Variants in JMY observed in about 807,000 individuals in gnomAD.
The protein encoded by JMY is junction mediating and regulatory protein, p53 cofactor.
JMY carries 46 observed loss-of-function variants against 103.3 expected under a neutral mutation model. That is an observed-to-expected ratio of 0.45 (90% CI 0.35 to 0.57). JMY has a LOEUF of 0.57. Among genes scored for constraint, JMY ranks in the 20% least tolerant of loss-of-function variants. JMY has a pLI of 0.00. For missense variants in JMY, 1,238 were observed against 1,255.2 expected (o/e 0.99, Z 0.21); for synonymous variants, 526 against 489.3 (o/e 1.07, Z -0.99).
chr5:79,311,101 A>G (rs1267583967), intron 7 of JMY, among the ~76,000 whole-genome samples: 3 of 149,374 alleles, frequency 2.0e-5, no homozygotes, highest in Non-Finnish European at 3.0e-5. Flanking sequence ...AATTAGTAGT[A>G]TATTACTAGA....
chr5:79,244,439 G>C (rs1412600639), intron 1 of JMY, among the ~76,000 whole-genome samples: 1 of 152,156 alleles, frequency 6.6e-6, no homozygotes, highest in African/African-American at 2.4e-5. Context: ...GGGAGAAGAT[G>C]GGTGGGAAAA....
At chr5:79,269,197 CTTT>C (rs1383312434) in intron 1 of JMY, among the ~76,000 whole-genome samples, 1 of 152,082 alleles carries the variant, frequency 6.6e-6, no homozygotes, top group African/African-American at 2.4e-5. Context: ...TGTCTAGATT[CTTT>C]TTTAAGACTC....
At chr5:79,301,160 T>C (rs1463369226) in intron 6 of JMY, among the ~76,000 whole-genome samples, 1 of 152,234 alleles carries the variant, frequency 6.6e-6, no homozygotes, top group Non-Finnish European at 1.5e-5. Flanking sequence ...CCCAGCGATG[T>C]TTTTTACAAG....
intron 1 of JMY, among the ~76,000 whole-genome samples, chr5:79,269,640 G>A (rs1306228595): frequency 1.3e-5 from 2 of 152,036 alleles, no homozygotes; most frequent in Non-Finnish European, 2.9e-5. Context: ...TAAAGATCTT[G>A]TACATATATT....
At chr5:79,287,433 G>A (rs572355951) in intron 2 of JMY, among the ~76,000 whole-genome samples, 1 of 152,292 alleles carries the variant, frequency 6.6e-6, no homozygotes, top group African/African-American at 2.4e-5. Flanking sequence ...AGGTACAATC[G>A]ACTAATTACG....
At chr5:79,296,396 C>T (rs1207345035) in intron 4 of JMY, among the ~76,000 whole-genome samples, 1 of 152,192 alleles carries the variant, frequency 6.6e-6, no homozygotes, top group African/African-American at 2.4e-5. Context: ...GTTACTAATT[C>T]TCATGTTCAT....
At chr5:79,276,647 G>T (rs904168466) in intron 1 of JMY, among the ~76,000 whole-genome samples, 1 of 151,136 alleles carries the variant, frequency 6.6e-6, no homozygotes, top group Admixed American at 6.6e-5. Context: ...TCACTCTGTC[G>T]CCAGGCTGGA....
chr5:79,274,956 T>G (rs919044240), intron 1 of JMY, among the ~76,000 whole-genome samples: 61 of 152,200 alleles, frequency 4.0e-4, no homozygotes, highest in Non-Finnish European at 2.8e-4. Context: ...CTGGATTGTT[T>G]AGTACCTGTC....
chr5:79,318,757 T>TAG (rs1381346517), intron 10 of JMY, among the ~76,000 whole-genome samples: 75 of 24,686 alleles, frequency 3.0e-3, no homozygotes, highest in East Asian at 7.4e-3. Context: ...TATATATATA[T>TAG]ATATAGAGAG....
chr5:79,307,031 C>T lies in JMY; in HGVS notation c.1968+570C>T, dbSNP rs183016729. Among the ~76,000 whole-genome samples, 3 of 152,176 alleles carry T rather than the reference C, an allele frequency of 2.0e-5. No individual in the cohort carries two copies. In the South Asian group the frequency reaches 6.2e-4, roughly 32 times the overall value. On this transcript the variant is annotated intron_variant, in intron 7 of 10. Coordinates refer to ENST00000396137, the MANE Select transcript of JMY (RefSeq NM_152405.5). ...ACAGTATGTAACCTATTCAGTTGGC[C>T]TCTTTAACATAGTAACGTGCATTTA... is the stretch of plus-strand genomic sequence containing the variant.
intron 1 of JMY, among the ~76,000 whole-genome samples, chr5:79,274,644 G>A (rs889080934): frequency 3.3e-5 from 5 of 152,162 alleles, no homozygotes; most frequent in Admixed American, 2.0e-4. Flanking sequence ...GACCTCAAGT[G>A]ATCTGCCTGC....
chr5:79,262,749 T>G (rs1451947568), intron 1 of JMY, among the ~76,000 whole-genome samples: 1 of 152,246 alleles, frequency 6.6e-6, no homozygotes, highest in Non-Finnish European at 1.5e-5. Context: ...TGCAAGAGTA[T>G]TAAGTTTAGG....
At chr5:79,284,298 A>G in intron 2 of JMY, 1 of 1,458,498 alleles carries the variant, frequency 6.9e-7, no homozygotes, top group South Asian at 1.1e-5. Flanking sequence ...TCTAACGAAG[A>G]CATCATGGAG....
At chr5:79,250,852 A>T (rs955698664) in intron 1 of JMY, among the ~76,000 whole-genome samples, 2 of 151,722 alleles carry the variant, frequency 1.3e-5, no homozygotes, top group African/African-American at 4.8e-5. Context: ...TTGCACTTTT[A>T]CATGTTTACT....
Position 79,281,144 on chromosome 5 carries a change from G to T in JMY, c.1206+3061G>T, listed in dbSNP as rs750731181. Among the ~76,000 whole-genome samples the T allele has an allele frequency of 5.9e-5, 9 of 151,394 alleles. 2 individuals carry two copies. The highest frequency in any genetic ancestry group is 1.5e-5 in the Non-Finnish European group (1 of 67,744). ...ACTGCAAGCTCCGCCTCCCGGGTTC[G>T]TGCCATTCTCCTGCCTCAGCTTCCC... On this transcript the variant is annotated intron_variant, in intron 2 of 10. Transcript: ENST00000396137.
At position 79,322,447 on chromosome 5, in the gene JMY, C is replaced by G. The variant is rs924035792; in HGVS notation, c.*845C>G. The stretch of plus-strand genomic sequence containing the variant: ...TGATTGCTATGACTGACATGACTTT[C>G]CTATTGAGAATCAAAAATCAAGATT... On this transcript the variant is annotated 3_prime_UTR_variant, in exon 11 of 11. Transcript: ENST00000396137. 1 of 152,192 alleles carries G rather than the reference C, an allele frequency of 6.6e-6. No homozygotes were observed. The highest frequency in any genetic ancestry group is 1.5e-5 in the Non-Finnish European group (1 of 67,998). 9.4% of individuals were successfully genotyped at this position (152,192 alleles called of 1,614,324 possible).
chr5:79,303,694 C>T (rs191942093), intron 6 of JMY, among the ~76,000 whole-genome samples: 1 of 152,222 alleles, frequency 6.6e-6, no homozygotes, highest in Admixed American at 6.5e-5. Context: ...AGCTCGAAGT[C>T]ATAGAAGTGA....
intron 1 of JMY, among the ~76,000 whole-genome samples, chr5:79,262,703 A>G (rs1745461247): frequency 6.6e-6 from 1 of 152,238 alleles, no homozygotes. Flanking sequence ...CAGATTAATA[A>G]ATTAGCAGTG....
chr5:79,308,017 A>C (rs1245722271), intron 7 of JMY, among the ~76,000 whole-genome samples: 2 of 152,150 alleles, frequency 1.3e-5, no homozygotes, highest in East Asian at 3.9e-4. Flanking sequence ...GATTACAGGC[A>C]TGAGCCACCG....
Sources: gnomAD v4.1 joint callset for allele counts (sites outside exome capture counted in the v4.1 genomes callset) on GRCh38, gnomAD v4.1.1 for gene constraint, MANE v1.5 for transcripts, NCBI Gene and HGNC (gene_info 2026-07-23, HGNC 2026-07-21) for gene names.